The following SPATA20 variants were observed in gnomAD, a reference collection of about 807,000 sequenced individuals.
SPATA20 encodes spermatogenesis-associated protein 20.
A neutral mutation model predicts 98.9 loss-of-function variants in SPATA20; 74 were observed. The observed-to-expected ratio is 0.75, with a 90% CI of 0.62 to 0.91. SPATA20 has a LOEUF of 0.91. Ranked by LOEUF, SPATA20 falls within the 40% of genes least tolerant of loss-of-function variation. The pLI, the probability that SPATA20 is intolerant of heterozygous loss-of-function variation, is 0.00. For missense variants in SPATA20, 1,016 were observed against 1,069.8 expected (o/e 0.95, Z 0.70); for synonymous variants, 430 against 440.5 (o/e 0.98, Z 0.30).
chr17:50,551,692 G>A lies in SPATA20; in HGVS notation c.1745+13G>A. The stretch of plus-strand genomic sequence containing the variant: ...CTGTGGAGCACAGGTTGGGGGCTGG[G>A]TAGACCGGGAGGGCCCGTCTCCCCA... On this transcript the variant is annotated intron_variant, in intron 13 of 16. Transcript: ENST00000006658. 1 of 1,582,614 alleles carries A rather than the reference G, an allele frequency of 6.3e-7. No individual in the cohort carries two copies. Among genetic ancestry groups the A allele is most frequent in the Non-Finnish European group, 8.7e-7 (1 of 1,156,026 alleles).
At chr17:50,551,353 C>A in intron 12 of SPATA20, 158 bp from the exon 13 acceptor site, 1 of 1,166,446 alleles carries the variant, frequency 8.6e-7, no homozygotes, top group Non-Finnish European at 1.2e-6. Context: ...CAAGGTCACG[C>A]GCAAGGGCTG....
intron 14 of SPATA20, among the ~76,000 whole-genome samples, chr17:50,553,550 G>A (rs2035048502): frequency 7.4e-6 from 1 of 135,534 alleles, no homozygotes; most frequent in Admixed American, 8.0e-5. Flanking sequence ...GGCAGGGCAC[G>A]GAAGCCGTCT....
chr17:50,549,584 G>C, intron 7 of SPATA20, 97 bp downstream of exon 7: 1 of 1,293,216 alleles, frequency 7.7e-7, no homozygotes, highest in Admixed American at 2.1e-5. Flanking sequence ...ATAGCTTCCT[G>C]TCCTCCTGAC....
chr17:50,548,334 G>T lies in SPATA20; in HGVS notation c.177G>T (p.Val59=). 1 of 1,613,894 alleles carries T rather than the reference G, an allele frequency of 6.2e-7. No individual in the cohort carries two copies. The highest frequency in any genetic ancestry group is 1.1e-5 in the South Asian group (1 of 91,076). Reference sequence around the variant, plus strand: ...GAAGTGCGACGGTCAGTAGTTCAGTGCCCATGCCTGCTGGAGGGAAAGGAA... The same window carrying T: ...GAAGTGCGACGGTCAGTAGTTCAGTTCCCATGCCTGCTGGAGGGAAAGGAA... The part of the protein sequence containing the change: ...KDRSATVSSS[V]PMPAGGKGSH... Residue 59 remains valine (V), a synonymous_variant, in exon 3 of 17, where the codon GTG becomes GTT. Transcript: ENST00000006658.
chr17:50,548,649 T>C (rs898976722), intron 4 of SPATA20, 31 bp downstream of exon 4: 31 of 1,608,342 alleles, frequency 1.9e-5, no homozygotes, highest in Non-Finnish European at 2.5e-5. Flanking sequence ...GATGTGGGGG[T>C]GTGGGCAGGG....
In SPATA20 at chr17:50,548,629, C is replaced by T. The variant is rs1462257142; in HGVS notation, c.361+11C>T. ...CGATTTTCCTCTCAGGTAATGCTCC[C>T]ACCTTCCCTGATGTGGGGGTGTGGG... On this transcript the variant is annotated intron_variant, in intron 4 of 16. Coordinates refer to ENST00000006658, the MANE Select transcript of SPATA20 (RefSeq NM_022827.4). 1.2e-6 allele frequency: 2 copies of T among 1,612,054 alleles called. No homozygotes were observed. The highest frequency in any genetic ancestry group is 1.7e-6 in the Non-Finnish European group (2 of 1,179,492).
At chr17:50,553,639 A>G in intron 14 of SPATA20, among the ~76,000 whole-genome samples, 1 of 146,758 alleles carries the variant, frequency 6.8e-6, no homozygotes, top group East Asian at 2.1e-4. Flanking sequence ...TCGGCTTCCC[A>G]GGTGCTGGGA....
chr17:50,555,201 C>T, intron 15 of SPATA20, 31 bp from the exon 16 acceptor site: 1 of 1,598,480 alleles, frequency 6.3e-7, no homozygotes, highest in Non-Finnish European at 8.6e-7. Flanking sequence ...CCTCCCCTGA[C>T]ACACCGGAGT....
At chr17:50,548,516 C>G in intron 3 of SPATA20, 38 bp from the exon 4 acceptor site, 1 of 1,613,374 alleles carries the variant, frequency 6.2e-7, no homozygotes, top group East Asian at 2.2e-5. Context: ...CCCAGACCCC[C>G]TGGGCTACTG....
At position 50,549,293 on chromosome 17, in the gene SPATA20, A is replaced by G. The variant is rs773018455; in HGVS notation, c.668A>G (p.Gln223Arg). 28 of 1,610,166 alleles carry G rather than the reference A, an allele frequency of 1.7e-5. No individual in the cohort carries two copies. The highest frequency in any genetic ancestry group is 2.3e-5 in the Non-Finnish European group (27 of 1,177,820). Residue 223 changes from glutamine to arginine, a missense_variant, in exon 7 of 17, where the codon CAG becomes CGG. Transcript: ENST00000006658. ...TGCCCCCACCTCCCGCAGTGGAAAC[A>G]GAACAAGAACACCCTGCTAGAAAAT... The part of the protein sequence containing the change: ...VLLRIREQWK[Q>R]NKNTLLENSQ...
chr17:50,549,486 G>T lies in SPATA20; in HGVS notation c.861G>T (p.Pro287=). The T allele has an allele frequency of 1.2e-6, 2 of 1,610,902 alleles. No individual in the cohort carries two copies. The highest frequency in any genetic ancestry group is 1.7e-6 in the Non-Finnish European group (2 of 1,179,578). The change falls in exon 7 of 17, where the codon CCG becomes CCT. Residue 287 remains proline, a splice_region_variant and synonymous_variant. Transcript: ENST00000006658. ...CTGAGGCCCCCAAGTTTCCCACGCC[G>T]GGTCAGTGCCCCACGCCCGCCTTAG... is the stretch of plus-strand genomic sequence containing the variant. ...GFAEAPKFPT[P]VILSFLFSYW... is the part of the protein sequence containing the mutation.
rs1183260653 is a variant in SPATA20, at chr17:50,547,411, A to T, written c.77+126A>T. The T allele has an allele frequency of 4.5e-5, 36 of 807,708 alleles. No homozygotes were observed. In the South Asian group the frequency reaches 5.0e-4, roughly 11 times the overall value. The allele number at this position is 807,708 out of a possible 1,614,324, so 50.0% of individuals were successfully genotyped here. On this transcript the variant is annotated intron_variant, in intron 1 of 16. Transcript: ENST00000006658. The stretch of plus-strand genomic sequence containing the variant: ...CCCCTGCATGCCTGGCCCTTCCCCC[A>T]CCCCACCTCCGGTCTGCTCCTGAGA...
In SPATA20 at chr17:50,550,041, T is replaced by G. The variant is rs2034985608; in HGVS notation, c.919T>G (p.Ser307Ala). Residue 307 changes from serine (S) to alanine (A), a missense_variant, in exon 8 of 17, where the codon TCT becomes GCT. Transcript: ENST00000006658. ...WLSHRLTQDG[S>A]RAQQMALHTL... Reference sequence around the variant, plus strand: ...CAGCCATCGACTGACTCAGGATGGCTCTCGGGCCCAGCAGATGGCCTTGCA... The same window carrying G: ...CAGCCATCGACTGACTCAGGATGGCGCTCGGGCCCAGCAGATGGCCTTGCA... 1 of 1,599,510 alleles carries G rather than the reference T, an allele frequency of 6.3e-7. No individual in the cohort carries two copies. Among genetic ancestry groups the G allele is most frequent in the African/African-American group, 1.3e-5 (1 of 74,678 alleles).
intron 15 of SPATA20, 26 bp downstream of exon 15, chr17:50,554,476 G>A: frequency 6.2e-7 from 1 of 1,603,868 alleles, no homozygotes; most frequent in Non-Finnish European, 8.5e-7. Context: ...ATCTGGGCTG[G>A]GACCTCGGGT....
chr17:50,550,065 C>T lies in SPATA20; in HGVS notation c.943C>T (p.His315Tyr). The change falls in exon 8 of 17, where the codon CAT becomes TAT. Residue 315 changes from histidine (H) to tyrosine (Y), a missense_variant. Transcript: ENST00000006658. ...DGSRAQQMALHTLKMMANGGI... is the reference protein window; with the variant it reads ...DGSRAQQMALYTLKMMANGGI... ...CTCTCGGGCCCAGCAGATGGCCTTG[C>T]ATACCCTGAAAATGATGGCTAACGG... 2 of 1,611,200 alleles carry T rather than the reference C, an allele frequency of 1.2e-6. No individual in the cohort carries two copies. The highest frequency in any genetic ancestry group is 1.1e-5 in the South Asian group (1 of 90,854).
At position 50,551,661 on chromosome 17, in the gene SPATA20, G is replaced by T. The variant is rs550739517; in HGVS notation, c.1727G>T (p.Gly576Val). ...ATGCGGACCTGCTACACCGGCCCTG[G>T]GGGGACTGTGGAGCACAGGTTGGGG... ...RLMRTCYTGPGGTVEHSNPPC... is the reference protein window; with the variant it reads ...RLMRTCYTGPVGTVEHSNPPC... Residue 576 changes from glycine (G) to valine (V), a missense_variant, in exon 13 of 17, where the codon GGG (glycine) becomes GTG (valine). Coordinates refer to ENST00000006658, the MANE Select transcript of SPATA20 (RefSeq NM_022827.4). The T allele has an allele frequency of 1.1e-5, 17 of 1,590,802 alleles. No homozygotes were observed. The South Asian group carries it at 1.4e-4, about 13-fold the overall frequency.
chr17:50,552,565 C>CTTT (rs36121212), intron 14 of SPATA20, among the ~76,000 whole-genome samples: 13 of 128,600 alleles, frequency 1.0e-4, no homozygotes, highest in South Asian at 5.0e-4. Context: ...CTTTCTTTCT[C>CTTT]TTTTTTTTTT....
In SPATA20 at chr17:50,547,213, T is replaced by C; in HGVS notation, c.5T>C (p.Leu2Pro). The C allele has an allele frequency of 2.8e-6, 4 of 1,428,158 alleles. No individual in the cohort carries two copies. The highest frequency in any genetic ancestry group is 3.0e-5 in the African/African-American group (2 of 66,404). 88.5% of individuals were successfully genotyped at this position (1,428,158 alleles called of 1,614,324 possible). A position where few individuals can be genotyped will look rare whatever the true frequency, so the allele number is the denominator to read the frequency against. Residue 2 changes from leucine (L) to proline (P), a missense_variant, in exon 1 of 17, where the codon CTG becomes CCG. Leu to Pro is a moderately conservative substitution (Grantham distance 98). Coordinates refer to ENST00000006658, the MANE Select transcript of SPATA20 (RefSeq NM_022827.4). ...GGCCCACGGCCCCGAGCAGCCATGC[T>C]GGGCGCGCGGGCCTGGTTGGGCCGC... MLGARAWLGRVL... is the reference protein window; with the variant it reads MPGARAWLGRVL...
At position 50,550,697 on chromosome 17, in the gene SPATA20, C is replaced by G; in HGVS notation, c.1174-11C>G. 1 of 1,613,226 alleles carries G rather than the reference C, an allele frequency of 6.2e-7. No homozygotes were observed. Among genetic ancestry groups the G allele is most frequent in the Non-Finnish European group, 8.5e-7 (1 of 1,179,760 alleles). On this transcript the variant is annotated splice_polypyrimidine_tract_variant and intron_variant, in intron 10 of 16. Transcript: ENST00000006658. ...GTGGGCCGGGGCCAGCCAACTCTCC[C>G]CTCCCCACAGTCCGGAGGCTTCTAT...
Sources: gnomAD v4.1 joint callset for allele counts (sites outside exome capture counted in the v4.1 genomes callset) on GRCh38, gnomAD v4.1.1 for gene constraint, MANE v1.5 for transcripts, NCBI Gene and HGNC (gene_info 2026-07-23, HGNC 2026-07-21) for gene names.